The following NID1 variants were observed in gnomAD, a reference collection of about 807,000 sequenced individuals.
The protein encoded by NID1 is nidogen 1, also known as nidogen-1.
NID1 carries 76 observed loss-of-function variants against 130.6 expected under a neutral mutation model. That is an observed-to-expected ratio of 0.58 (90% confidence interval 0.48 to 0.70). The LOEUF is 0.70. Ranked by LOEUF, NID1 falls within the 30% of genes least tolerant of loss-of-function variation. The probability of loss-of-function intolerance (pLI) is 0.00; values close to 1 mark genes in which losing one functional copy is unlikely to be tolerated. For synonymous variants in NID1, 665 were observed against 675.1 expected (o/e 0.98, Z 0.23); for missense variants, 1,517 against 1,664.8 (o/e 0.91, Z 1.54).
At chr1:235,978,912 G>T in intron 19 of NID1, 83 bp downstream of exon 19, 2 of 885,564 alleles carry the variant, frequency 2.3e-6, no homozygotes, top group Non-Finnish European at 3.8e-6. Context: ...GCTACTAGTG[G>T]CCATACGGGT....
chr1:235,980,460 G>A, intron 17 of NID1, 36 bp downstream of exon 17: 1 of 1,603,810 alleles, frequency 6.2e-7, no homozygotes, highest in African/African-American at 1.3e-5. Context: ...TTAGGAGATT[G>A]AGACCCGCCC....
At chr1:236,013,600 G>A (rs756663637) in intron 10 of NID1, 40 bp from the exon 11 acceptor site, 10 of 1,613,402 alleles carry the variant, frequency 6.2e-6, no homozygotes, top group Non-Finnish European at 8.5e-6. Flanking sequence ...TAGGAAGAAA[G>A]TCCCCTGAGC....
intron 15 of NID1, 63 bp downstream of exon 15, chr1:235,985,316 T>C: frequency 6.3e-7 from 1 of 1,591,938 alleles, no homozygotes; most frequent in East Asian, 2.2e-5. Flanking sequence ...TTCTCTGGCA[T>C]ACATGGCCAC....
In NID1 at chr1:236,048,964, G is replaced by A. The variant is rs187485566; in HGVS notation, c.251C>T (p.Thr84Met). The change falls in exon 2 of 20, where the codon ACG (threonine) becomes ATG (methionine). Residue 84 changes from threonine to methionine, a missense_variant. This residue lies in a region of NID1 where 1,329 missense variants were observed against 1,429.2 expected (regional missense o/e 0.93). Coordinates refer to ENST00000264187, the MANE Select transcript of NID1 (RefSeq NM_002508.3). ...VYVTTNGIIA[T>M]SEPPAKESHP... is the part of the protein sequence containing the mutation. ...GGATTCTTTGGCCGGGGGTTCACTC[G>A]TAGCAATGATGCCATTTGTGGTGAC... 2.4e-5 allele frequency: 39 copies of A among 1,613,994 alleles called. No homozygotes were observed. Among genetic ancestry groups the A allele is most frequent in the Middle Eastern group, 3.3e-4 (2 of 6,056 alleles).
rs1262466777 is a variant in NID1, at chr1:236,029,715, C to T, written c.1573G>A (p.Val525Met). The T allele has an allele frequency of 1.2e-6, 2 of 1,613,996 alleles. No homozygotes were observed. Among genetic ancestry groups the T allele is most frequent in the South Asian group, 1.1e-5 (1 of 91,082 alleles). ...EFTRQAEVTF[V>M]GHPGNLVIKQ... is the part of the protein sequence containing the mutation. ...ATGACCAGATTGCCCGGGTGCCCCA[C>T]GAAGGTCACCTCAGCCTGGCGAGTG... is the stretch of plus-strand genomic sequence containing the variant. The change falls in exon 7 of 20, where the codon GTG becomes ATG. Residue 525 changes from valine (V) to methionine (M), a missense_variant. By Grantham distance (21) the Val-to-Met change is conservative. This residue lies in a region of NID1 where 1,329 missense variants were observed against 1,429.2 expected (regional missense o/e 0.93). Transcript: ENST00000264187.
chr1:236,038,393 G>T, intron 4 of NID1, 140 bp from the exon 5 acceptor site: 1 of 810,368 alleles, frequency 1.2e-6, no homozygotes, highest in Non-Finnish European at 1.8e-6. Flanking sequence ...CACTACAGAA[G>T]ATTACAATCC....
intron 9 of NID1, among the ~76,000 whole-genome samples, chr1:236,020,501 A>G (rs1658730485): frequency 6.6e-6 from 1 of 152,222 alleles, no homozygotes; most frequent in South Asian, 2.1e-4. Flanking sequence ...AGCGGGAGCC[A>G]TCCTGCCATG....
intron 14 of NID1, among the ~76,000 whole-genome samples, chr1:235,986,385 A>G (rs895382696): frequency 1.3e-5 from 2 of 152,060 alleles, no homozygotes; most frequent in Non-Finnish European, 2.9e-5. Context: ...TTATTTTTCT[A>G]TATACTAGCA....
intron 17 of NID1, 134 bp downstream of exon 17, chr1:235,980,362 C>T (rs769450510): frequency 2.5e-5 from 21 of 845,282 alleles, no homozygotes; most frequent in East Asian, 5.3e-5. Flanking sequence ...CAGATAAAAC[C>T]GTAAAAACCA....
intron 14 of NID1, among the ~76,000 whole-genome samples, chr1:235,987,179 C>A (rs1032608071): frequency 6.6e-6 from 1 of 152,124 alleles, no homozygotes; most frequent in African/African-American, 2.4e-5. Flanking sequence ...AATTACCTGC[C>A]AGTAACTCAT....
chr1:236,011,987 G>A lies in NID1; in HGVS notation c.2461C>T (p.Pro821Ser), dbSNP rs751733938. ...TTGCACTGGCACGTGAAAGAGCCTGGAGTGTTGTAGCAGAAGGCGTCAGGG... is the reference window on the plus strand; with the variant it reads ...TTGCACTGGCACGTGAAAGAGCCTGAAGTGTTGTAGCAGAAGGCGTCAGGG... ...CHPDAFCYNT[P>S]GSFTCQCKPG... Residue 821 changes from proline (P) to serine (S), a missense_variant, in exon 12 of 20, where the codon CCA becomes TCA. Physicochemically the swap from Pro to Ser is moderately conservative, Grantham distance 74. Coordinates refer to ENST00000264187, the MANE Select transcript of NID1 (RefSeq NM_002508.3). The A allele has an allele frequency of 6.2e-7, 1 of 1,614,236 alleles. No individual in the cohort carries two copies. Among genetic ancestry groups the A allele is most frequent in the African/African-American group, 1.3e-5 (1 of 75,076 alleles).
chr1:236,013,088 C>G (rs1658480372), intron 11 of NID1, among the ~76,000 whole-genome samples: 1 of 152,184 alleles, frequency 6.6e-6, no homozygotes, highest in Non-Finnish European at 1.5e-5. Context: ...AATCTCCATG[C>G]ATGTCCTCCA....
At chr1:236,045,206 C>CAA (rs201261106) in intron 3 of NID1, among the ~76,000 whole-genome samples, 25 of 89,708 alleles carry the variant, frequency 2.8e-4, no homozygotes, top group Non-Finnish European at 3.6e-4. Context: ...GGCTCTGTCT[C>CAA]AAAAAAAAAA....
chr1:236,021,675 A>G (rs1029474057), intron 9 of NID1, among the ~76,000 whole-genome samples: 1 of 152,130 alleles, frequency 6.6e-6, no homozygotes, highest in African/African-American at 2.4e-5. Flanking sequence ...CTGGCCAACC[A>G]TATGTGAACA....
intron 5 of NID1, among the ~76,000 whole-genome samples, chr1:236,036,372 G>T (rs147264444): frequency 5.9e-5 from 9 of 152,332 alleles, no homozygotes; most frequent in Admixed American, 5.9e-4. Context: ...GACACAGAAG[G>T]AAATGATTTT....
intron 12 of NID1, among the ~76,000 whole-genome samples, chr1:235,997,531 C>T (rs531110197): frequency 6.7e-6 from 1 of 150,274 alleles, no homozygotes; most frequent in African/African-American, 2.4e-5. Flanking sequence ...ACTGTAATCA[C>T]ATAGACTAGA....
chr1:236,039,056 T>TA, intron 4 of NID1, among the ~76,000 whole-genome samples: 1 of 136,272 alleles, frequency 7.3e-6, no homozygotes, highest in South Asian at 2.2e-4. Context: ...CATTATATAT[T>TA]TATATATACA....
At chr1:235,992,292 A>G (rs1657772783) in intron 13 of NID1, among the ~76,000 whole-genome samples, 1 of 152,120 alleles carries the variant, frequency 6.6e-6, no homozygotes, top group Non-Finnish European at 1.5e-5. Context: ...AACCTCTTTC[A>G]TATCTCTGAA....
At chr1:236,037,109 C>T (rs2102835376) in intron 5 of NID1, among the ~76,000 whole-genome samples, 1 of 152,340 alleles carries the variant, frequency 6.6e-6, no homozygotes, top group East Asian at 1.9e-4. Context: ...TCCTGACCAT[C>T]TGCAAGCATC....
Sources: allele counts gnomAD v4.1 joint callset (sites outside exome capture counted in the v4.1 genomes callset), GRCh38; gene constraint gnomAD v4.1.1; regional missense constraint gnomAD v4.1.1; transcripts MANE v1.5; gene names NCBI Gene and HGNC (gene_info 2026-07-23, HGNC 2026-07-21).